The following ACOX3 variants were observed in gnomAD, a reference collection of about 807,000 sequenced individuals.
ACOX3 encodes the protein peroxisomal acyl-coenzyme A oxidase 3.
Under a neutral mutation model 81.5 loss-of-function variants are expected in ACOX3, and 73 were observed. That is an observed-to-expected ratio of 0.90 (90% CI 0.74 to 1.09). The LOEUF is 1.09. ACOX3 is among the 50% of genes least tolerant of loss of function. ACOX3 has a pLI of 0.00. For missense variants in ACOX3, 947 were observed against 928.0 expected (o/e 1.02, Z -0.27); for synonymous variants, 387 against 375.1 (o/e 1.03, Z -0.37).
intron 7 of ACOX3, among the ~76,000 whole-genome samples, chr4:8,403,341 G>A (rs1308663463): frequency 6.6e-6 from 1 of 152,204 alleles, no homozygotes; most frequent in Non-Finnish European, 1.5e-5. Flanking sequence ...TGGTATCACT[G>A]CGCCCCCTGC....
At chr4:8,373,505 G>C in intron 16 of ACOX3, 56 bp downstream of exon 16, 1 of 1,581,560 alleles carries the variant, frequency 6.3e-7, no homozygotes, top group Non-Finnish European at 8.7e-7. Flanking sequence ...GATGCGTGTC[G>C]CTCTGGGCGG....
rs113317365 is a variant in ACOX3, at chr4:8,389,153, C to A, written c.1537+20G>T. On this transcript the variant is annotated intron_variant, in intron 13 of 17. Transcript: ENST00000356406. The surrounding 1 kb of genome is among the most constrained non-coding windows in gnomAD (Gnocchi z 5.3). Reference sequence around the variant, plus strand: ...ACAGGAAATCAGGAGGCCAGGGGAGCCCTCCACCTGTGTGTTTACCTGCAG... The same window carrying A: ...ACAGGAAATCAGGAGGCCAGGGGAGACCTCCACCTGTGTGTTTACCTGCAG... 3.8e-6 allele frequency: 6 copies of A among 1,588,720 alleles called. No individual in the cohort carries two copies. The African/African-American group carries it at 4.0e-5, about 11-fold the overall frequency.
chr4:8,434,254 G>T (rs1277050228), intron 1 of ACOX3, among the ~76,000 whole-genome samples: 1 of 152,192 alleles, frequency 6.6e-6, no homozygotes, highest in African/African-American at 2.4e-5. Flanking sequence ...CTTTAAACAG[G>T]CCAAGAATTT....
chr4:8,394,933 G>T lies in ACOX3; in HGVS notation c.1057-191C>A, dbSNP rs1578913374. 1.4e-6 allele frequency: 1 copy of T among 695,888 alleles called. No individual in the cohort carries two copies. Among genetic ancestry groups the T allele is most frequent in the South Asian group, 2.0e-5 (1 of 49,002 alleles). 43.1% of individuals were successfully genotyped at this position (695,888 alleles called of 1,614,324 possible). A position where few individuals can be genotyped will look rare whatever the true frequency, so the allele number is the denominator to read the frequency against. ...GACACGCTCTCAACTCAGCCAGTTC[G>T]GCTTTCACCCATAGCCCTTGACAGA... On this transcript the variant is annotated intron_variant, in intron 9 of 17. Transcript: ENST00000356406. This position sits in a 1 kb window ranked among gnomAD's most constrained non-coding sequence, Gnocchi z 5.9.
chr4:8,358,076 A>G, the ACOX3 span: 1 of 152,244 alleles, frequency 6.6e-6, no homozygotes, highest in East Asian at 1.9e-4. Flanking sequence ...AAGATACCCA[A>G]TTCAACGGGA....
At chr4:8,373,499 C>A in intron 16 of ACOX3, 62 bp downstream of exon 16, 1 of 1,550,908 alleles carries the variant, frequency 6.4e-7, no homozygotes, top group Admixed American at 1.7e-5. Context: ...TAAGGGGATG[C>A]GTGTCGCTCT....
chr4:8,369,143 A>G (rs735441), intron 17 of ACOX3, among the ~76,000 whole-genome samples: 63,321 of 152,042 alleles, frequency 0.42, 14,720 homozygotes, highest in African/African-American at 0.63. Context: ...AGAGCAAGGC[A>G]CAGCAGGTAG....
chr4:8,403,206 T>A (rs538626578), intron 7 of ACOX3, among the ~76,000 whole-genome samples: 2 of 152,350 alleles, frequency 1.3e-5, no homozygotes, highest in South Asian at 4.1e-4. Context: ...AACCTACAAA[T>A]TGTAACCACT....
intron 1 of ACOX3, among the ~76,000 whole-genome samples, chr4:8,426,877 G>C (rs13103946): frequency 6.6e-6 from 1 of 151,970 alleles, no homozygotes; most frequent in Non-Finnish European, 1.5e-5. Flanking sequence ...CCCATGCTCC[G>C]ATGTTGATGA....
intron 15 of ACOX3, chr4:8,374,050 G>A (rs576708409): frequency 1.3e-3 from 267 of 209,516 alleles, no homozygotes; most frequent in Middle Eastern, 3.7e-3. Flanking sequence ...ACCCAGGGGA[G>A]TTGGGGGCGG....
rs1451568933 is a variant in ACOX3, at chr4:8,385,089, C to T, written c.1538-3482G>A. 6.6e-6 allele frequency among the ~76,000 whole-genome samples: 1 copy of T among 152,160 alleles called. No individual in the cohort carries two copies. Among genetic ancestry groups the T allele is most frequent in the African/African-American group, 2.4e-5 (1 of 41,440 alleles). ...AGGTGGCATGGGGTGACCGCATTCC[C>T]TCCCCACTGTCTCGCAGAAGGAAAA... is the stretch of plus-strand genomic sequence containing the variant. On this transcript the variant is annotated intron_variant, in intron 13 of 17. Coordinates refer to ENST00000356406, the MANE Select transcript of ACOX3 (RefSeq NM_003501.3). The surrounding 1 kb of genome is among the most constrained non-coding windows in gnomAD (Gnocchi z 5.5).
In ACOX3 at chr4:8,407,794, G is replaced by A. The variant is rs560898792; in HGVS notation, c.688-1751C>T. Among the ~76,000 whole-genome samples, 18 of 152,348 alleles carry A rather than the reference G, an allele frequency of 1.2e-4. No individual in the cohort carries two copies. Among genetic ancestry groups the A allele is most frequent in the African/African-American group, 4.3e-4 (18 of 41,576 alleles). The stretch of plus-strand genomic sequence containing the variant: ...TAATGGCTGCGCACTGTGGGAACTC[G>A]ACGGAAGGACGTGGAGCTTCATCCT... On this transcript the variant is annotated intron_variant, in intron 6 of 17. Coordinates refer to ENST00000356406, the MANE Select transcript of ACOX3 (RefSeq NM_003501.3). This position sits in a 1 kb window ranked among gnomAD's most constrained non-coding sequence, Gnocchi z 4.6.
At chr4:8,380,093 C>G (rs1717449774) in intron 14 of ACOX3, among the ~76,000 whole-genome samples, 1 of 152,300 alleles carries the variant, frequency 6.6e-6, no homozygotes, top group South Asian at 2.1e-4. Context: ...AGGGTCACTT[C>G]ACGCTTTGGT....
chr4:8,408,286 G>C (rs1310660472), intron 6 of ACOX3, among the ~76,000 whole-genome samples: 1 of 148,340 alleles, frequency 6.7e-6, no homozygotes, highest in Non-Finnish European at 1.5e-5. Context: ...AAAAAAGAAA[G>C]AAACCTGCAA....
downstream of ACOX3, among the ~76,000 whole-genome samples, chr4:8,361,761 GAATT>G (rs199874261): frequency 6.0e-3 from 907 of 152,304 alleles, 7 homozygotes; most frequent in Middle Eastern, 0.037. Context: ...ATTTCATTAA[GAATT>G]AATTGGCTTT....
intron 14 of ACOX3, among the ~76,000 whole-genome samples, chr4:8,377,478 G>A (rs1258779439): frequency 1.5e-5 from 2 of 130,076 alleles, no homozygotes; most frequent in Non-Finnish European, 3.2e-5. Flanking sequence ...AGCTCTGCGC[G>A]TGAGCAAAAG....
intron 1 of ACOX3, among the ~76,000 whole-genome samples, chr4:8,422,340 A>G (rs1054326853): frequency 2.6e-5 from 4 of 152,346 alleles, no homozygotes; most frequent in Non-Finnish European, 5.9e-5. Flanking sequence ...TGATAATTGA[A>G]GGTCTTCTCT....
chr4:8,356,613 C>T, the ACOX3 span: 1 of 456,152 alleles, frequency 2.2e-6, no homozygotes, highest in East Asian at 7.0e-5. Flanking sequence ...TGTACGCTAA[C>T]ATGATCCCGG....
intron 16 of ACOX3, 87 bp downstream of exon 16, chr4:8,373,474 C>CA (rs1716521148): frequency 1.4e-6 from 2 of 1,404,766 alleles, no homozygotes; most frequent in Admixed American, 1.9e-5. Context: ...CGGTGCGTGT[C>CA]GGTCTGGGTG....
Sources: allele counts gnomAD v4.1 joint callset (sites outside exome capture counted in the v4.1 genomes callset), GRCh38; gene constraint gnomAD v4.1.1; non-coding constraint Gnocchi (gnomAD v3.1); transcripts MANE v1.5; gene names NCBI Gene and HGNC (gene_info 2026-07-23, HGNC 2026-07-21).